CDC37L1: variants seen among roughly 807,000 people sequenced by gnomAD.
The protein encoded by CDC37L1 is hsp90 co-chaperone Cdc37-like 1.
Under a neutral mutation model 45.9 loss-of-function variants are expected in CDC37L1, and 32 were observed. The ratio of observed to expected loss-of-function variants is 0.70; its 90% confidence interval spans 0.53 to 0.94. The LOEUF (loss-of-function observed/expected upper bound fraction) is 0.94. Among genes scored for constraint, CDC37L1 ranks in the 40% least tolerant of loss-of-function variants. The pLI is 0.00. For missense variants in CDC37L1, 434 were observed against 405.7 expected (o/e 1.07, Z -0.60); for synonymous variants, 150 against 133.0 (o/e 1.13, Z -0.88).
chr9:4,707,531 C>CTT lies in CDC37L1; in HGVS notation c.*1420_*1421dup, dbSNP rs1841455154. The CTT allele has an allele frequency of 6.6e-6, 1 of 152,184 alleles. No individual in the cohort carries two copies. Among genetic ancestry groups the CTT allele is most frequent in the Non-Finnish European group, 1.5e-5 (1 of 68,030 alleles). 9.4% of individuals were successfully genotyped at this position (152,184 alleles called of 1,614,324 possible). The stretch of plus-strand genomic sequence containing the variant: ...TTGTTTTCGCTGAGGTGATCAGACA[C>CTT]TTAGTACCCTAGAAATGGACTGGAA... On this transcript the variant is annotated 3_prime_UTR_variant, in exon 7 of 7. Coordinates refer to ENST00000381854, the MANE Select transcript of CDC37L1 (RefSeq NM_017913.4).
chr9:4,701,851 TTG>T lies in CDC37L1; in HGVS notation c.748-11_748-10del. 6.3e-7 allele frequency: 1 copy of T among 1,574,860 alleles called. No homozygotes were observed. The highest frequency in any genetic ancestry group is 8.6e-7 in the Non-Finnish European group (1 of 1,163,646). On this transcript the variant is annotated splice_polypyrimidine_tract_variant and intron_variant, in intron 5 of 6. Coordinates refer to ENST00000381854, the MANE Select transcript of CDC37L1 (RefSeq NM_017913.4). ...AAGAACACAGTCTTTGTTTTTTTTT[TTG>T]TTTTTTCTAGGCAGAGGAAGAAGGT...
At chr9:4,693,449 TAAAG>T (rs1401822706) in intron 3 of CDC37L1, among the ~76,000 whole-genome samples, 3 of 151,720 alleles carry the variant, frequency 2.0e-5, no homozygotes, top group African/African-American at 4.8e-5. Context: ...TCTCTCAAGA[TAAAG>T]AAATAAATTA....
chr9:4,701,882 T>C lies in CDC37L1; in HGVS notation c.766T>C (p.Phe256Leu). ...TTTCTAGGCAGAGGAAGAAGGTTAT[T>C]TTGAAGCATTCAAAAATGAACTTGA... Reference protein sequence around the residue: ...QKAKAEEEGYFEAFKNELEAF... With the variant: ...QKAKAEEEGYLEAFKNELEAF... Residue 256 changes from phenylalanine to leucine, a missense_variant, in exon 6 of 7, where the codon TTT (phenylalanine) becomes CTT (leucine). Physicochemically the swap from Phe to Leu is conservative, Grantham distance 22. Transcript: ENST00000381854. 1 of 1,603,582 alleles carries C rather than the reference T, an allele frequency of 6.2e-7. No individual in the cohort carries two copies. The highest frequency in any genetic ancestry group is 8.5e-7 in the Non-Finnish European group (1 of 1,176,872).
chr9:4,699,273 G>T (rs5022070), intron 5 of CDC37L1, among the ~76,000 whole-genome samples: 74,459 of 151,976 alleles, frequency 0.49, 21,138 homozygotes, highest in African/African-American at 0.78. Flanking sequence ...ATCCAAAACT[G>T]TTTGAGCATC....
chr9:4,704,581 T>C (rs985627979), intron 6 of CDC37L1, among the ~76,000 whole-genome samples: 1 of 152,228 alleles, frequency 6.6e-6, no homozygotes, highest in African/African-American at 2.4e-5. Context: ...CCAGTCTTAA[T>C]AGAGTAATTG....
chr9:4,708,026 T>C lies in CDC37L1; in HGVS notation c.*1914T>C, dbSNP rs1004091758. The C allele has an allele frequency of 3.3e-5, 5 of 152,272 alleles. No homozygotes were observed. Among genetic ancestry groups the C allele is most frequent in the Non-Finnish European group, 5.9e-5 (4 of 68,048 alleles). 9.4% of individuals were successfully genotyped at this position (152,272 alleles called of 1,614,324 possible). On this transcript the variant is annotated 3_prime_UTR_variant, in exon 7 of 7. Transcript: ENST00000381854. ...GATGTTCTTTGAAACTTGATTTATATATTTTTACTTGCAAAAGAATATACT... is the reference window on the plus strand; with the variant it reads ...GATGTTCTTTGAAACTTGATTTATACATTTTTACTTGCAAAAGAATATACT...
rs539896597 is a variant in CDC37L1 at position 4,698,644 on chromosome 9, C to CA, written c.747+766dup. Among the ~76,000 whole-genome samples the CA allele has an allele frequency of 1.7e-3, 265 of 152,174 alleles. 2 individuals are homozygous for CA. Among genetic ancestry groups the CA allele is most frequent in the Middle Eastern group, 0.01 (3 of 292 alleles). ...AAAGTTGAACAAGTGCCTGCCTTAA[C>CA]ACCCAGAAATTCTCCTAGGTGTATG... On this transcript the variant is annotated intron_variant, in intron 5 of 6. Transcript: ENST00000381854.
At position 4,684,721 on chromosome 9, in the gene CDC37L1, G is replaced by A. The variant is rs1299959048; in HGVS notation, c.133-156G>A. 2.0e-5 allele frequency among the ~76,000 whole-genome samples: 3 copies of A among 152,108 alleles called. No homozygotes were observed. In the East Asian group the frequency reaches 5.8e-4, roughly 29 times the overall value. ...GTTTAGAAGTTAGTTGATGAAACAA[G>A]GACTAAGATATAAAAACATGACTGC... On this transcript the variant is annotated intron_variant, in intron 1 of 6. Coordinates refer to ENST00000381854, the MANE Select transcript of CDC37L1 (RefSeq NM_017913.4).
intron 6 of CDC37L1, among the ~76,000 whole-genome samples, chr9:4,702,600 G>A (rs552943979): frequency 1.1e-4 from 16 of 152,194 alleles, no homozygotes; most frequent in East Asian, 3.9e-4. Flanking sequence ...AAACCATGTC[G>A]GCTGGGCGCA....
At chr9:4,699,460 A>G (rs1301926733) in intron 5 of CDC37L1, among the ~76,000 whole-genome samples, 1 of 152,168 alleles carries the variant, frequency 6.6e-6, no homozygotes, top group Non-Finnish European at 1.5e-5. Flanking sequence ...ACTAGCCAAC[A>G]TCAGCATGGA....
chr9:4,695,252 A>G (rs966386864), intron 3 of CDC37L1, among the ~76,000 whole-genome samples: 1 of 151,986 alleles, frequency 6.6e-6, no homozygotes, highest in Non-Finnish European at 1.5e-5. Flanking sequence ...TGGTGAGGTC[A>G]TAGCTCACTG....
At chr9:4,702,833 G>A (rs2130854808) in intron 6 of CDC37L1, among the ~76,000 whole-genome samples, 1 of 141,094 alleles carries the variant, frequency 7.1e-6, no homozygotes. Context: ...AGCTTGCAGT[G>A]AGCCGAGATC....
Position 4,680,000 on chromosome 9 carries a change from C to T in CDC37L1, c.132+101C>T, listed in dbSNP as rs533766728. The T allele has an allele frequency of 3.5e-6, 5 of 1,440,370 alleles. No individual in the cohort carries two copies. In the Admixed American group the frequency reaches 6.2e-5, roughly 18 times the overall value. 89.2% of individuals were successfully genotyped at this position (1,440,370 alleles called of 1,614,324 possible). A position where few individuals can be genotyped will look rare whatever the true frequency, so the allele number is the denominator to read the frequency against. ...ACCCTCTTCTACGCCTTTTTCTACG[C>T]CCACCTCACTGCCAGGGGCCGGGGA... On this transcript the variant is annotated intron_variant, in intron 1 of 6. Coordinates refer to ENST00000381854, the MANE Select transcript of CDC37L1 (RefSeq NM_017913.4).
chr9:4,695,430 C>A (rs1427302227), intron 3 of CDC37L1, among the ~76,000 whole-genome samples: 1 of 152,114 alleles, frequency 6.6e-6, no homozygotes, highest in African/African-American at 2.4e-5. Flanking sequence ...ATGTCCAAAG[C>A]GTTGGGGAAA....
intron 5 of CDC37L1, 22 bp downstream of exon 5, chr9:4,697,901 A>G (rs777441416): frequency 6.2e-7 from 1 of 1,610,914 alleles, no homozygotes; most frequent in East Asian, 2.2e-5. Context: ...TTTGATATTG[A>G]TAAATGGGAA....
At chr9:4,693,948 A>G (rs1343985208) in intron 3 of CDC37L1, among the ~76,000 whole-genome samples, 1 of 152,216 alleles carries the variant, frequency 6.6e-6, no homozygotes, top group Non-Finnish European at 1.5e-5. Context: ...AACCTGGGCC[A>G]TTTAGCTCTA....
intron 5 of CDC37L1, among the ~76,000 whole-genome samples, chr9:4,700,049 C>A (rs1239155512): frequency 1.3e-5 from 2 of 151,954 alleles, no homozygotes; most frequent in Non-Finnish European, 2.9e-5. Context: ...ATACCCTAAA[C>A]TCTTCTGAAA....
intron 1 of CDC37L1, among the ~76,000 whole-genome samples, chr9:4,684,047 A>G (rs1841222571): frequency 6.6e-6 from 1 of 152,188 alleles, no homozygotes; most frequent in Admixed American, 6.5e-5. Flanking sequence ...GCACTTTGGG[A>G]GGCCAAGGTG....
At chr9:4,685,274 C>T in intron 2 of CDC37L1, 116 bp downstream of exon 2, 1 of 837,650 alleles carries the variant, frequency 1.2e-6, no homozygotes, top group Non-Finnish European at 1.9e-6. Flanking sequence ...TCAATTTTGA[C>T]AGTTTATGAA....
Sources: gnomAD v4.1 joint callset for allele counts (sites outside exome capture counted in the v4.1 genomes callset) on GRCh38, gnomAD v4.1.1 for gene constraint, MANE v1.5 for transcripts, NCBI Gene and HGNC (gene_info 2026-07-23, HGNC 2026-07-21) for gene names.